ADCY3: variants seen among roughly 807,000 people sequenced by gnomAD.
The protein encoded by ADCY3 is adenylate cyclase 3.
A neutral mutation model predicts 119.4 loss-of-function variants in ADCY3; 70 were observed. The ratio of observed to expected loss-of-function variants is 0.59; its 90% confidence interval spans 0.48 to 0.72. ADCY3 has a LOEUF of 0.72. Ranked by LOEUF, ADCY3 falls within the 30% of genes least tolerant of loss-of-function variation. The probability of loss-of-function intolerance (pLI) is 0.00; values close to 1 mark genes in which losing one functional copy is unlikely to be tolerated. For synonymous variants in ADCY3, 672 were observed against 621.4 expected (o/e 1.08, Z -1.21); for missense variants, 1,238 against 1,541.6 (o/e 0.80, Z 3.30).
At position 24,855,751 on chromosome 2, in the gene ADCY3, TAG is replaced by T. The variant is rs778570990; in HGVS notation, c.826-13369_826-13368del. Among the ~76,000 whole-genome samples, 22 of 151,704 alleles carry T rather than the reference TAG, an allele frequency of 1.5e-4. No individual in the cohort carries two copies. The East Asian group carries it at 3.7e-3, about 25-fold the overall frequency. On this transcript the variant is annotated intron_variant, in intron 3 of 21. Transcript: ENST00000679454. ...AGAAGCACCCAGGCCTGCAGTGGGG[TAG>T]AGAGTTGAGAAGGGCCTGGGGCAAG... is the stretch of plus-strand genomic sequence containing the variant.
At chr2:24,846,157 CAG>C (rs1371516652) in intron 3 of ADCY3, among the ~76,000 whole-genome samples, 1 of 152,238 alleles carries the variant, frequency 6.6e-6, no homozygotes, top group Non-Finnish European at 1.5e-5. Flanking sequence ...AGCCACCACA[CAG>C]AGTCCCTACT....
Position 24,902,081 on chromosome 2 carries a change from G to GTT in ADCY3, c.675+16230_675+16231dup, listed in dbSNP as rs1327235990. Among the ~76,000 whole-genome samples, 166 of 95,966 alleles carry GTT rather than the reference G, an allele frequency of 1.7e-3. 6 individuals carry two copies. Among genetic ancestry groups the GTT allele is most frequent in the East Asian group, 7.1e-3 (22 of 3,100 alleles). 63.0% of individuals were successfully genotyped at this position (95,966 alleles called of 152,430 possible). On this transcript the variant is annotated intron_variant, in intron 2 of 21. Transcript: ENST00000679454. ...GTGTGTGTGTGTGTGTGTGTATTTG[G>GTT]TTTTTTTTTTTTTTTTTGAGACAGG...
chr2:24,821,070 A>T (rs111989536), intron 20 of ADCY3: 14 of 592,722 alleles, frequency 2.4e-5, no homozygotes, highest in African/African-American at 2.1e-4. Flanking sequence ...ATGCAGATTT[A>T]CTCGGCATGG....
intron 9 of ADCY3, among the ~76,000 whole-genome samples, chr2:24,836,256 G>A (rs1670320464): frequency 6.6e-6 from 1 of 152,190 alleles, no homozygotes; most frequent in African/African-American, 2.4e-5. Flanking sequence ...GGGGACTCAA[G>A]AAAAACCTAA....
chr2:24,861,780 A>G (rs1673689198), intron 3 of ADCY3, among the ~76,000 whole-genome samples: 1 of 152,170 alleles, frequency 6.6e-6, no homozygotes, highest in South Asian at 2.1e-4. Context: ...GGAAGGATGC[A>G]CAGGCCCCAG....
At chr2:24,881,731 A>G (rs1057199728) in intron 2 of ADCY3, among the ~76,000 whole-genome samples, 4 of 152,252 alleles carry the variant, frequency 2.6e-5, no homozygotes, top group African/African-American at 9.6e-5. Flanking sequence ...TTCCCCCTTG[A>G]TAAGAGAGCC....
At chr2:24,827,496 T>C (rs1558408127) in intron 15 of ADCY3, 50 bp downstream of exon 15, 4 of 1,549,950 alleles carry the variant, frequency 2.6e-6, no homozygotes, top group Admixed American at 3.8e-5. Context: ...TTCCTGTCTC[T>C]AGAAGAAGGG....
At chr2:24,829,468 C>T (rs1286695455) in intron 13 of ADCY3, among the ~76,000 whole-genome samples, 2 of 119,550 alleles carry the variant, frequency 1.7e-5, no homozygotes, top group Non-Finnish European at 3.2e-5. Flanking sequence ...TGTTGCCAGG[C>T]TGGAGTGCAG....
chr2:24,872,845 G>A lies in ADCY3; in HGVS notation c.676-126C>T. The A allele has an allele frequency of 8.8e-7, 1 of 1,131,474 alleles. No homozygotes were observed. The highest frequency in any genetic ancestry group is 1.3e-6 in the Non-Finnish European group (1 of 794,712). The allele number at this position is 1,131,474 out of a possible 1,614,324, so 70.1% of individuals were successfully genotyped here. On this transcript the variant is annotated intron_variant, in intron 2 of 21. Transcript: ENST00000679454. The surrounding 1 kb of genome is among the most constrained non-coding windows in gnomAD (Gnocchi z 4.4). ...AAAATCAAACCTCAAGTTGCCCAAT[G>A]TCCAGGGAGGGGCCCAGCACAGCCT...
At chr2:24,870,598 T>C (rs1157756119) in intron 3 of ADCY3, among the ~76,000 whole-genome samples, 1 of 152,208 alleles carries the variant, frequency 6.6e-6, no homozygotes, top group Non-Finnish European at 1.5e-5. Context: ...GCTCTGCCAC[T>C]GCAGCGTGGG....
rs373035912 is a variant in ADCY3, at chr2:24,827,918, G to A, written c.2416C>T (p.Arg806Cys). ...RPVFDEYDHK[R>C]FREHDLPMVA... The stretch of plus-strand genomic sequence containing the variant: ...TCATCTTACTCGTGCTCCCGAAAAC[G>A]CTTGTGGTCGTATTCATCAAAGACG... The change falls in exon 14 of 22, where the codon CGT (arginine) becomes TGT (cysteine). Residue 806 changes from arginine (R) to cysteine (C), a missense_variant. This residue lies in a region of ADCY3 where 499 missense variants were observed against 571.0 expected (regional missense o/e 0.87). Transcript: ENST00000679454. 115 of 1,614,022 alleles carry A rather than the reference G, an allele frequency of 7.1e-5. No individual in the cohort carries two copies. The highest frequency in any genetic ancestry group is 1.6e-4 in the Middle Eastern group (1 of 6,084).
At chr2:24,820,648 G>C (rs551787309) in intron 21 of ADCY3, 76 bp downstream of exon 21, 2 of 1,587,218 alleles carry the variant, frequency 1.3e-6, no homozygotes, top group Middle Eastern at 3.4e-4. Flanking sequence ...GGAGGCAGGG[G>C]CACGTGGGAA....
At chr2:24,860,793 T>C (rs1005093193) in intron 3 of ADCY3, among the ~76,000 whole-genome samples, 4 of 152,134 alleles carry the variant, frequency 2.6e-5, no homozygotes, top group African/African-American at 9.7e-5. Context: ...AAGGTACAAC[T>C]TCCCAGGGGA....
At chr2:24,876,403 C>A (rs1179586578) in intron 2 of ADCY3, among the ~76,000 whole-genome samples, 1 of 152,194 alleles carries the variant, frequency 6.6e-6, no homozygotes, top group Non-Finnish European at 1.5e-5. Context: ...TTTTCCACAG[C>A]CTCCATACAC....
At chr2:24,874,075 T>C (rs990390577) in intron 2 of ADCY3, among the ~76,000 whole-genome samples, 1 of 152,238 alleles carries the variant, frequency 6.6e-6, no homozygotes, top group African/African-American at 2.4e-5. Flanking sequence ...CTCTTGGTTA[T>C]GCCATATTCC....
chr2:24,885,660 C>A (rs954600436), intron 2 of ADCY3, among the ~76,000 whole-genome samples: 14 of 152,210 alleles, frequency 9.2e-5, no homozygotes, highest in African/African-American at 3.4e-4. Context: ...GGGCTGGGGA[C>A]AGACTCATCT....
At chr2:24,904,469 C>T (rs541146557) in intron 2 of ADCY3, among the ~76,000 whole-genome samples, 132 of 151,774 alleles carry the variant, frequency 8.7e-4, no homozygotes, top group African/African-American at 3.1e-3. Flanking sequence ...TGCAGTGAGC[C>T]GAGATCGTGC....
chr2:24,888,727 G>GCCTGGTCTTTCCCA (rs1677347854), intron 2 of ADCY3, among the ~76,000 whole-genome samples: 2 of 152,166 alleles, frequency 1.3e-5, no homozygotes, highest in African/African-American at 4.8e-5. Context: ...TGGTGGAAAG[G>GCCTGGTCTTTCCCA]GCCTGGTGTG....
At chr2:24,910,136 G>A (rs868332560) in intron 2 of ADCY3, among the ~76,000 whole-genome samples, 11 of 152,198 alleles carry the variant, frequency 7.2e-5, no homozygotes, top group African/African-American at 9.6e-5. Context: ...CCCATGCCAC[G>A]TGAAGCACAA....
Sources: gnomAD v4.1 joint callset for allele counts (sites outside exome capture counted in the v4.1 genomes callset) on GRCh38, gnomAD v4.1.1 for gene constraint, gnomAD v4.1.1 regional missense constraint, Gnocchi (gnomAD v3.1) non-coding constraint, MANE v1.5 for transcripts, NCBI Gene and HGNC (gene_info 2026-07-23, HGNC 2026-07-21) for gene names.